CSMD1: variants seen among roughly 807,000 people sequenced by gnomAD.
CSMD1 encodes the protein CUB and Sushi multiple domains 1.
Under a neutral mutation model 417.5 loss-of-function variants are expected in CSMD1, and 213 were observed. The ratio of observed to expected loss-of-function variants is 0.51; its 90% CI spans 0.46 to 0.57. The LOEUF is 0.57. Among genes scored for constraint, CSMD1 ranks in the 20% least tolerant of loss-of-function variants. The pLI is 0.00. For missense variants in CSMD1, 6,923 were observed against 4,529.7 expected, an observed-to-expected ratio of 1.53 and a Z score of -15.17; for synonymous variants, 2,862 against 1,736.8, an observed-to-expected ratio of 1.65 and a Z score of -16.11.
At chr8:4,495,204 G>A (rs1224641924) in intron 2 of CSMD1, among the ~76,000 whole-genome samples, 1 of 152,060 alleles carries the variant, frequency 6.6e-6, no homozygotes, top group Non-Finnish European at 1.5e-5. Context: ...GAGAAATCCT[G>A]GGATTTTTAT....
chr8:3,354,493 G>C (rs1426353697), intron 21 of CSMD1, among the ~76,000 whole-genome samples: 1 of 152,028 alleles, frequency 6.6e-6, no homozygotes, highest in East Asian at 1.9e-4. Context: ...TTTAAACCAA[G>C]TTCATTGTGT....
intron 19 of CSMD1, among the ~76,000 whole-genome samples, chr8:3,368,059 G>T (rs1378111812): frequency 6.6e-6 from 1 of 152,104 alleles, no homozygotes; most frequent in Non-Finnish European, 1.5e-5. Flanking sequence ...CTTATTTCTG[G>T]ATTCCTATAG....
At chr8:4,808,948 A>G (rs1798741257) in intron 1 of CSMD1, among the ~76,000 whole-genome samples, 1 of 152,232 alleles carries the variant, frequency 6.6e-6, no homozygotes, top group Non-Finnish European at 1.5e-5. Context: ...ATCATTCTTC[A>G]AGAACATAAG....
chr8:4,005,248 G>A (rs1816018343), intron 4 of CSMD1, among the ~76,000 whole-genome samples: 1 of 152,060 alleles, frequency 6.6e-6, no homozygotes. Context: ...ACTTACTTAT[G>A]TAACCAAACA....
chr8:4,954,739 G>A (rs572060979), intron 1 of CSMD1, among the ~76,000 whole-genome samples: 83 of 152,232 alleles, frequency 5.5e-4, no homozygotes, highest in African/African-American at 2.0e-3. Context: ...GAGACTGGAG[G>A]ATAAGAGCAA....
chr8:2,954,857 C>T (rs1802890386), intron 64 of CSMD1, among the ~76,000 whole-genome samples: 1 of 152,206 alleles, frequency 6.6e-6, no homozygotes, highest in African/African-American at 2.4e-5. Context: ...ACAAAAGTCT[C>T]TTTAAAATCC....
chr8:3,268,464 T>A (rs1235015424), intron 26 of CSMD1, among the ~76,000 whole-genome samples: 1 of 152,070 alleles, frequency 6.6e-6, no homozygotes, highest in Non-Finnish European at 1.5e-5. Context: ...GATTTTTTTG[T>A]ATTTTTAGTA....
chr8:3,640,729 T>C (rs758252389), intron 7 of CSMD1, among the ~76,000 whole-genome samples: 1 of 152,174 alleles, frequency 6.6e-6, no homozygotes, highest in Non-Finnish European at 1.5e-5. Context: ...AACCATGTTG[T>C]CCCTGAAAAA....
chr8:4,645,946 G>A (rs1036045827), intron 1 of CSMD1, among the ~76,000 whole-genome samples: 57 of 152,142 alleles, frequency 3.7e-4, no homozygotes, highest in Admixed American at 3.7e-3. Flanking sequence ...GAGATTCTGA[G>A]TGATAAAGTC....
chr8:3,046,609 C>T (rs968019151), intron 50 of CSMD1, among the ~76,000 whole-genome samples: 3 of 152,248 alleles, frequency 2.0e-5, no homozygotes, highest in African/African-American at 4.8e-5. Flanking sequence ...CCCTCCACCA[C>T]GGTACAGTGT....
intron 3 of CSMD1, among the ~76,000 whole-genome samples, chr8:4,256,715 G>T (rs1803481213): frequency 6.6e-6 from 1 of 151,980 alleles, no homozygotes; most frequent in Non-Finnish European, 1.5e-5. Flanking sequence ...TGTGGGGGAA[G>T]GAAGGCGCCA....
rs114048932 is a variant in CSMD1 at position 3,655,522 on chromosome 8, G to C, written c.1010-38725C>G. Among the ~76,000 whole-genome samples the C allele has an allele frequency of 3.2e-3, 484 of 152,234 alleles. 3 individuals carry two copies. The highest frequency in any genetic ancestry group is 0.011 in the African/African-American group (453 of 41,540). ...TAAACACAGCCAGCTCAGGACCACT[G>C]CACAGTGCACCTGCTGGGAAACCCA... is the stretch of plus-strand genomic sequence containing the variant. On this transcript the variant is annotated intron_variant, in intron 7 of 69. Coordinates refer to ENST00000635120, the MANE Select transcript of CSMD1 (RefSeq NM_033225.6).
chr8:4,756,834 T>C (rs1397998139), intron 1 of CSMD1, among the ~76,000 whole-genome samples: 1 of 152,198 alleles, frequency 6.6e-6, no homozygotes, highest in Non-Finnish European at 1.5e-5. Flanking sequence ...GGCCCAGGTA[T>C]AACACAGTGA....
intron 3 of CSMD1, among the ~76,000 whole-genome samples, chr8:4,119,640 A>C (rs1180484645): frequency 1.3e-5 from 2 of 152,162 alleles, no homozygotes; most frequent in Non-Finnish European, 2.9e-5. Context: ...TCTGTGAGGA[A>C]CAAGGAAGCA....
At chr8:4,105,448 T>C (rs1033755972) in intron 3 of CSMD1, among the ~76,000 whole-genome samples, 1 of 152,218 alleles carries the variant, frequency 6.6e-6, no homozygotes, top group Non-Finnish European at 1.5e-5. Flanking sequence ...TCATTAATGA[T>C]GTATTCATTC....
intron 3 of CSMD1, among the ~76,000 whole-genome samples, chr8:4,303,628 G>A (rs1364041833): frequency 6.6e-6 from 1 of 151,830 alleles, no homozygotes; most frequent in Non-Finnish European, 1.5e-5. Flanking sequence ...TTCTACCAGA[G>A]GTGACTGGGA....
intron 5 of CSMD1, among the ~76,000 whole-genome samples, chr8:3,865,361 T>G (rs536088189): frequency 6.6e-6 from 1 of 152,192 alleles, no homozygotes; most frequent in Non-Finnish European, 1.5e-5. Context: ...GGTATGAAAC[T>G]GGGTTTGCAA....
At chr8:4,887,433 T>C (rs73185714) in intron 1 of CSMD1, among the ~76,000 whole-genome samples, 11,690 of 152,086 alleles carry the variant, frequency 0.077, 558 homozygotes, top group Middle Eastern at 0.1. Flanking sequence ...AACCGAGGTA[T>C]ATTAGATTTT....
At position 3,446,144 on chromosome 8, in the gene CSMD1, A is replaced by C. The variant is rs184173486; in HGVS notation, c.1561+22568T>G. The stretch of plus-strand genomic sequence containing the variant: ...GTTGTAATAGAATTGACTGCAAGAA[A>C]GGAAATTGCCATGGCCCCAGGGAGA... On this transcript the variant is annotated intron_variant, in intron 12 of 69. Transcript: ENST00000635120. Among the ~76,000 whole-genome samples the C allele has an allele frequency of 2.0e-5, 3 of 152,234 alleles. No homozygotes were observed. The South Asian group carries it at 6.2e-4, about 32-fold the overall frequency.
Sources: gnomAD v4.1 joint callset for allele counts (sites outside exome capture counted in the v4.1 genomes callset) on GRCh38, gnomAD v4.1.1 for gene constraint, MANE v1.5 for transcripts, NCBI Gene and HGNC (gene_info 2026-07-23, HGNC 2026-07-21) for gene names.